The following RPSA variants were observed in gnomAD, a reference collection of about 807,000 sequenced individuals.
RPSA encodes small ribosomal subunit protein uS2.
For synonymous variants in RPSA, 103 were observed against 126.7 expected (o/e 0.81, Z 1.25); for missense variants, 140 against 372.8 (o/e 0.38, Z 5.14).
In RPSA at chr3:39,408,697, T is replaced by C; in HGVS notation, c.225T>C (p.Ser75=). The stretch of plus-strand genomic sequence containing the variant: ...CCATTGAAAACCCTGCTGATGTCAG[T>C]GTTATATCCTCCAGGAATACTGGCC... ...IVAIENPADV[S]VISSRNTGQR... The change falls in exon 3 of 7, where the codon AGT becomes AGC. Residue 75 remains serine, a synonymous_variant. Coordinates refer to ENST00000301821, the MANE Select transcript of RPSA (RefSeq NM_002295.6). The C allele has an allele frequency of 6.2e-7, 1 of 1,602,604 alleles. No individual in the cohort carries two copies. Among genetic ancestry groups the C allele is most frequent in the Non-Finnish European group, 8.6e-7 (1 of 1,169,468 alleles).
chr3:39,409,184 C>CTTTT (rs71091746), intron 3 of RPSA, among the ~76,000 whole-genome samples: 1,068 of 85,372 alleles, frequency 0.013, 76 homozygotes, highest in African/African-American at 0.04. Flanking sequence ...TATGACCTTC[C>CTTTT]TTTTTTTTTT....
At chr3:39,409,226 G>A (rs560424213) in intron 3 of RPSA, among the ~76,000 whole-genome samples, 6 of 89,484 alleles carry the variant, frequency 6.7e-5, no homozygotes, top group East Asian at 8.3e-4. Flanking sequence ...ACAGTCTCTC[G>A]CTCTGTTGCC....
chr3:39,407,013 G>A (rs1230468568), intron 1 of RPSA: 14 of 453,784 alleles, frequency 3.1e-5, no homozygotes, highest in Admixed American at 3.1e-4. Flanking sequence ...GGACCAGGCC[G>A]CGGGTGGGCG....
Position 39,411,914 on chromosome 3 carries a change from G to T in RPSA, c.646G>T (p.Ala216Ser). Reference sequence around the variant, plus strand: ...AACCCAGATTGAAAAAGAAGAGCAGGCTGCTGCTGAGAAGGCAGTGACCAA... The same window carrying T: ...AACCCAGATTGAAAAAGAAGAGCAGTCTGCTGCTGAGAAGGCAGTGACCAA... ...DPEEIEKEEQ[A>S]AAEKAVTKEE... The change falls in exon 6 of 7, where the codon GCT becomes TCT. Residue 216 changes from alanine (A) to serine (S), a missense_variant. Ala to Ser is a moderately conservative substitution (Grantham distance 99). Transcript: ENST00000301821. 1 of 1,599,678 alleles carries T rather than the reference G, an allele frequency of 6.3e-7. No homozygotes were observed. The highest frequency in any genetic ancestry group is 1.1e-5 in the South Asian group (1 of 91,070).
At chr3:39,406,983 G>A (rs1384186624) in intron 1 of RPSA, 1 of 451,772 alleles carries the variant, frequency 2.2e-6, no homozygotes, top group Non-Finnish European at 4.4e-6. Flanking sequence ...CCCTCCAGCG[G>A]AGGCTCCGAG....
At chr3:39,411,392 T>A (rs2042003662) in intron 4 of RPSA, 1 of 565,396 alleles carries the variant, frequency 1.8e-6, no homozygotes, top group Non-Finnish European at 3.2e-6. Context: ...TTGGTTGATT[T>A]GTAACCCTAG....
chr3:39,407,883 T>A (rs2041942057), intron 2 of RPSA, 97 bp downstream of exon 2: 1 of 922,578 alleles, frequency 1.1e-6, no homozygotes. Context: ...CTTTCTATCT[T>A]CCTTAAATGA....
chr3:39,411,409 A>G, intron 4 of RPSA: 1 of 572,456 alleles, frequency 1.7e-6, no homozygotes, highest in South Asian at 2.0e-5. Flanking sequence ...CTAGTTGTGC[A>G]TAAGAATTGC....
At chr3:39,410,436 G>A in intron 3 of RPSA, 1 of 381,676 alleles carries the variant, frequency 2.6e-6, no homozygotes, top group Admixed American at 3.7e-5. Context: ...GTACACAGTA[G>A]AAAAAAGGCA....
At chr3:39,411,417 T>C (rs2042003868) in intron 4 of RPSA, 1 of 578,900 alleles carries the variant, frequency 1.7e-6, no homozygotes, top group East Asian at 3.0e-5. Flanking sequence ...GCATAAGAAT[T>C]GCCCAGATAT....
At chr3:39,408,333 A>G (rs1050673049) in intron 2 of RPSA, 8 of 616,146 alleles carry the variant, frequency 1.3e-5, no homozygotes, top group Admixed American at 1.2e-4. Flanking sequence ...AGAACCAATG[A>G]TGGAATAAGT....
In RPSA at chr3:39,406,734, C is replaced by T. The variant is rs569939599; in HGVS notation, c.-64C>T. 55 of 386,780 alleles carry T rather than the reference C, an allele frequency of 1.4e-4. No homozygotes were observed. Among genetic ancestry groups the T allele is most frequent in the African/African-American group, 3.2e-4 (15 of 46,594 alleles). 24.0% of individuals were successfully genotyped at this position (386,780 alleles called of 1,614,324 possible). A position where few individuals can be genotyped will look rare whatever the true frequency, so the allele number is the denominator to read the frequency against. Reference sequence around the variant, plus strand: ...CTGCCGCCTGTCTTTTCCGTGCTACCTGCAGAGGGGTCCATACGGCGTTGT... The same window carrying T: ...CTGCCGCCTGTCTTTTCCGTGCTACTTGCAGAGGGGTCCATACGGCGTTGT... On this transcript the variant is annotated 5_prime_UTR_variant, in exon 1 of 7. Coordinates refer to ENST00000301821, the MANE Select transcript of RPSA (RefSeq NM_002295.6).
At chr3:39,411,225 A>G in intron 4 of RPSA, 6 of 738,952 alleles carry the variant, frequency 8.1e-6, no homozygotes, top group Non-Finnish European at 1.5e-5. Flanking sequence ...ACTGCATGAC[A>G]GCTTTGTGGA....
intron 1 of RPSA, 56 bp downstream of exon 1, chr3:39,406,820 C>T (rs1239416304): frequency 2.2e-6 from 1 of 455,012 alleles, no homozygotes; most frequent in Non-Finnish European, 4.4e-6. Flanking sequence ...TGAGCTTTTC[C>T]TGCTCAAATG....
chr3:39,411,565 C>A, intron 4 of RPSA, 84 bp from the exon 5 acceptor site: 1 of 1,450,530 alleles, frequency 6.9e-7, no homozygotes, highest in Non-Finnish European at 9.5e-7. Context: ...ACTTTTGGTA[C>A]CTAGATGATG....
rs1575259174 is a variant in RPSA, at chr3:39,412,488, T to C, written c.*120T>C. The C allele has an allele frequency of 7.9e-6, 5 of 631,486 alleles. No homozygotes were observed. The East Asian group carries it at 1.4e-4, about 17-fold the overall frequency. The allele number at this position is 631,486 out of a possible 1,614,324, so 39.1% of individuals were successfully genotyped here. On this transcript the variant is annotated 3_prime_UTR_variant, in exon 7 of 7. Transcript: ENST00000301821. Reference sequence around the variant, plus strand: ...TACTCCAGATCAGAATACCTGGGATTGCATATCAAAGCATAATAATAAATA... The same window carrying C: ...TACTCCAGATCAGAATACCTGGGATCGCATATCAAAGCATAATAATAAATA...
At chr3:39,411,376 T>C in intron 4 of RPSA, 1 of 557,588 alleles carries the variant, frequency 1.8e-6, no homozygotes, top group Non-Finnish European at 3.2e-6. Context: ...TTGTGTGTGG[T>C]TCAGATTGGT....
chr3:39,408,775 C>A, intron 3 of RPSA, 51 bp downstream of exon 3: 3 of 1,017,312 alleles, frequency 2.9e-6, no homozygotes, highest in East Asian at 2.4e-5. Context: ...AGCTTACAGA[C>A]ATTGTGAGAC....
In RPSA at chr3:39,412,151, A is replaced by G. The variant is rs1400416991; in HGVS notation, c.793+90A>G. 8 of 1,418,838 alleles carry G rather than the reference A, an allele frequency of 5.6e-6. No individual in the cohort carries two copies. The East Asian group carries it at 1.8e-4, about 32-fold the overall frequency. 87.9% of individuals were successfully genotyped at this position (1,418,838 alleles called of 1,614,324 possible). A position where few individuals can be genotyped will look rare whatever the true frequency, so the allele number is the denominator to read the frequency against. On this transcript the variant is annotated intron_variant, in intron 6 of 6. Transcript: ENST00000301821. ...TAATGATCTCTGTGACTTTTATACT[A>G]GCTTTAAGAGGTTTTCATTCCAGTG...
Sources: gnomAD v4.1 joint callset for allele counts (sites outside exome capture counted in the v4.1 genomes callset) on GRCh38, gnomAD v4.1.1 for gene constraint, MANE v1.5 for transcripts, NCBI Gene and HGNC (gene_info 2026-07-23, HGNC 2026-07-21) for gene names.